Variants in CHSY3 observed in about 807,000 individuals in gnomAD.
CHSY3 encodes N-acetylgalactosaminyl-proteoglycan 3-beta-glucuronosyltransferase 3.
CHSY3 carries 35 observed loss-of-function variants against 67.2 expected under a neutral mutation model. The observed-to-expected ratio is 0.52, with a 90% CI of 0.40 to 0.69. The LOEUF (loss-of-function observed/expected upper bound fraction) is 0.69. Among genes scored for constraint, CHSY3 ranks in the 30% least tolerant of loss-of-function variants. The probability of loss-of-function intolerance (pLI) is 0.00; values close to 1 mark genes in which losing one functional copy is unlikely to be tolerated. For synonymous variants in CHSY3, 474 were observed against 434.7 expected (o/e 1.09, Z -1.12); for missense variants, 1,069 against 1,138.5 (o/e 0.94, Z 0.88).
intron 2 of CHSY3, among the ~76,000 whole-genome samples, chr5:130,159,271 C>G (rs922062804): frequency 1.4e-5 from 2 of 146,882 alleles, no homozygotes; most frequent in East Asian, 2.0e-4. Context: ...CTCAGGTGAT[C>G]CTCCCACCCC....
chr5:130,124,670 C>T (rs1158374858), intron 2 of CHSY3, among the ~76,000 whole-genome samples: 1 of 152,078 alleles, frequency 6.6e-6, no homozygotes, highest in Non-Finnish European at 1.5e-5. Context: ...TTGCCCAAGG[C>T]TGATTTCGAA....
chr5:130,181,458 C>G (rs1462032326), intron 2 of CHSY3, among the ~76,000 whole-genome samples: 1 of 152,078 alleles, frequency 6.6e-6, no homozygotes, highest in South Asian at 2.1e-4. Context: ...TATCTTCTCT[C>G]TCTCTCTGTC....
At chr5:129,979,058 G>A (rs1371979885) in intron 2 of CHSY3, among the ~76,000 whole-genome samples, 5 of 151,630 alleles carry the variant, frequency 3.3e-5, no homozygotes, top group South Asian at 4.2e-4. Context: ...AAATTAGCCG[G>A]GTGTGGTGGT....
chr5:130,001,285 T>C (rs1763721261), intron 2 of CHSY3: 1 of 199,176 alleles, frequency 5.0e-6, no homozygotes, highest in African/African-American at 2.4e-5. Flanking sequence ...AAGAAAAGAT[T>C]ATCTGAGAAA....
chr5:129,919,961 T>G (rs77905843), intron 2 of CHSY3, among the ~76,000 whole-genome samples: 1,711 of 152,304 alleles, frequency 0.011, 40 homozygotes, highest in African/African-American at 0.038. Context: ...GAAGAGAACA[T>G]TCAAGATTTA....
intron 2 of CHSY3, among the ~76,000 whole-genome samples, chr5:130,166,063 T>A (rs577581584): frequency 9.9e-5 from 15 of 152,196 alleles, no homozygotes; most frequent in Non-Finnish European, 1.3e-4. Context: ...CAAAACCTAG[T>A]GAGATTTGGA....
At chr5:130,012,955 A>C (rs1000770673) in intron 2 of CHSY3, among the ~76,000 whole-genome samples, 2 of 152,018 alleles carry the variant, frequency 1.3e-5, no homozygotes, top group Non-Finnish European at 2.9e-5. Flanking sequence ...GAGCCTGTAA[A>C]ATCAAAAGCA....
At chr5:130,115,082 A>C (rs1422086385) in intron 2 of CHSY3, among the ~76,000 whole-genome samples, 1 of 145,180 alleles carries the variant, frequency 6.9e-6, no homozygotes, top group Non-Finnish European at 1.5e-5. Context: ...AATTGTTCAA[A>C]GGTTTTTTTT....
At chr5:130,079,342 A>T (rs1416493498) in intron 2 of CHSY3, among the ~76,000 whole-genome samples, 2 of 152,158 alleles carry the variant, frequency 1.3e-5, no homozygotes, top group African/African-American at 4.8e-5. Flanking sequence ...TATTTAAATA[A>T]ATGGAAGTTT....
At chr5:129,961,540 G>T (rs998055376) in intron 2 of CHSY3, among the ~76,000 whole-genome samples, 7 of 151,890 alleles carry the variant, frequency 4.6e-5, no homozygotes, top group African/African-American at 1.7e-4. Context: ...GTTTTTCTCT[G>T]ATACCCAAAA....
At chr5:130,082,496 C>A (rs1766475445) in intron 2 of CHSY3, among the ~76,000 whole-genome samples, 1 of 151,966 alleles carries the variant, frequency 6.6e-6, no homozygotes, top group African/African-American at 2.4e-5. Context: ...TTAATGATTT[C>A]TCTTAACGAT....
intron 2 of CHSY3, among the ~76,000 whole-genome samples, chr5:130,005,058 A>C (rs1275760568): frequency 1.3e-5 from 2 of 152,186 alleles, no homozygotes; most frequent in East Asian, 1.9e-4. Context: ...AATATATTAA[A>C]GTTTTTCGAG....
intron 2 of CHSY3, among the ~76,000 whole-genome samples, chr5:130,154,056 A>G (rs1446356976): frequency 6.6e-6 from 1 of 152,080 alleles, no homozygotes; most frequent in African/African-American, 2.4e-5. Flanking sequence ...AGCTGGGACT[A>G]CAGGTGCACG....
intron 2 of CHSY3, among the ~76,000 whole-genome samples, chr5:129,945,024 T>G (rs1761810258): frequency 6.6e-6 from 1 of 152,232 alleles, no homozygotes; most frequent in Non-Finnish European, 1.5e-5. Context: ...GGCTAAGACA[T>G]CCATTATTTT....
intron 2 of CHSY3, among the ~76,000 whole-genome samples, chr5:130,024,004 G>C (rs1764467124): frequency 6.6e-6 from 1 of 151,592 alleles, no homozygotes; most frequent in Non-Finnish European, 1.5e-5. Flanking sequence ...GGTATTGGTA[G>C]CAACTCTTAA....
At chr5:129,950,797 TA>T (rs1244701403) in intron 2 of CHSY3, among the ~76,000 whole-genome samples, 2 of 152,156 alleles carry the variant, frequency 1.3e-5, no homozygotes, top group African/African-American at 4.8e-5. Context: ...GTTTGTAGAA[TA>T]AATAACACAG....
intron 2 of CHSY3, among the ~76,000 whole-genome samples, chr5:129,997,867 C>A (rs931259631): frequency 1.3e-5 from 2 of 152,130 alleles, no homozygotes; most frequent in Non-Finnish European, 2.9e-5. Context: ...GCATAGTATT[C>A]CATGGTGTAT....
At chr5:129,918,126 A>G (rs1760792543) in intron 2 of CHSY3, among the ~76,000 whole-genome samples, 2 of 152,326 alleles carry the variant, frequency 1.3e-5, no homozygotes, top group African/African-American at 4.8e-5. Context: ...ACTTTAAGCC[A>G]TCACTGACAA....
chr5:130,052,775 A>AATTTATCCTT, intron 2 of CHSY3, among the ~76,000 whole-genome samples: 1 of 152,142 alleles, frequency 6.6e-6, no homozygotes, highest in Non-Finnish European at 1.5e-5. Flanking sequence ...CACAGGCGTT[A>AATTTATCCTT]ATTTATCCTT....
Sources: allele counts gnomAD v4.1 joint callset (sites outside exome capture counted in the v4.1 genomes callset), GRCh38; gene constraint gnomAD v4.1.1; transcripts MANE v1.5; gene names NCBI Gene and HGNC (gene_info 2026-07-23, HGNC 2026-07-21).